Variants in SUGCT observed in about 807,000 individuals in gnomAD.
SUGCT encodes the protein succinyl-CoA:glutarate-CoA transferase, also known as succinyl-CoA:glutarate CoA-transferase.
A neutral mutation model predicts 55.0 loss-of-function variants in SUGCT; 41 were observed. The ratio of observed to expected loss-of-function variants is 0.74; its 90% CI spans 0.58 to 0.97. SUGCT has a LOEUF of 0.97. SUGCT is among the 50% of genes least tolerant of loss of function. The probability of loss-of-function intolerance (pLI) is 0.00; values close to 1 mark genes in which losing one functional copy is unlikely to be tolerated. For missense variants in SUGCT, 568 were observed against 547.8 expected (o/e 1.04, Z -0.37); for synonymous variants, 187 against 200.4 (o/e 0.93, Z 0.56).
intron 9 of SUGCT, among the ~76,000 whole-genome samples, chr7:40,357,458 A>G (rs1797931039): frequency 6.6e-6 from 1 of 152,196 alleles, no homozygotes; most frequent in Non-Finnish European, 1.5e-5. Context: ...CATGCGTGAC[A>G]CTGTCGATTT....
intron 7 of SUGCT, among the ~76,000 whole-genome samples, chr7:40,258,750 T>C (rs1243254670): frequency 2.0e-5 from 3 of 152,204 alleles, no homozygotes; most frequent in Non-Finnish European, 4.4e-5. Context: ...TAAATTAATG[T>C]GGCCATTATG....
At chr7:40,845,756 G>A (rs1470276327) in intron 13 of SUGCT, among the ~76,000 whole-genome samples, 7 of 152,160 alleles carry the variant, frequency 4.6e-5, no homozygotes, top group African/African-American at 1.7e-4. Context: ...TTAGCAGCAG[G>A]TTTGGGGGGC....
At chr7:40,711,984 A>G (rs1384638679) in intron 12 of SUGCT, among the ~76,000 whole-genome samples, 2 of 152,142 alleles carry the variant, frequency 1.3e-5, no homozygotes, top group African/African-American at 4.8e-5. Context: ...AGTTCTTCCC[A>G]TGGCTCTGGA....
At chr7:40,168,383 G>A (rs1456370227) in intron 1 of SUGCT, among the ~76,000 whole-genome samples, 1 of 152,202 alleles carries the variant, frequency 6.6e-6, no homozygotes, top group South Asian at 2.1e-4. Context: ...GTGCTAGCAG[G>A]CTGGTCCAGG....
chr7:40,171,740 G>T (rs1005172073), intron 1 of SUGCT, among the ~76,000 whole-genome samples: 7 of 152,180 alleles, frequency 4.6e-5, no homozygotes, highest in African/African-American at 1.4e-4. Context: ...TGGGCCATCC[G>T]CAGGTTAGTG....
At chr7:40,895,533 G>A in the SUGCT span, among the ~76,000 whole-genome samples, 2 of 152,116 alleles carry the variant, frequency 1.3e-5, no homozygotes, top group East Asian at 1.9e-4. Flanking sequence ...TGCAAGGATA[G>A]TTCAACATAT....
At chr7:40,751,866 C>G (rs1320748214) in intron 13 of SUGCT, among the ~76,000 whole-genome samples, 1 of 152,210 alleles carries the variant, frequency 6.6e-6, no homozygotes, top group Non-Finnish European at 1.5e-5. Context: ...AGAATGAACT[C>G]ATTGGAGGTA....
intron 9 of SUGCT, among the ~76,000 whole-genome samples, chr7:40,317,824 A>T (rs1176410427): frequency 1.3e-5 from 2 of 152,178 alleles, no homozygotes; most frequent in African/African-American, 4.8e-5. Context: ...ACCCAATATG[A>T]ACCTGGGATT....
intron 9 of SUGCT, among the ~76,000 whole-genome samples, chr7:40,350,825 C>T (rs1444277804): frequency 1.3e-5 from 2 of 148,758 alleles, no homozygotes; most frequent in Non-Finnish European, 3.0e-5. Flanking sequence ...ATGTGATGTT[C>T]CCCTCCCTGT....
chr7:40,558,155 C>T (rs1407266705), intron 12 of SUGCT, among the ~76,000 whole-genome samples: 3 of 151,002 alleles, frequency 2.0e-5, no homozygotes, highest in African/African-American at 7.3e-5. Context: ...GAAATTGGAA[C>T]TCTTGTGCAG....
At chr7:40,401,096 G>A (rs1174684616) in intron 9 of SUGCT, among the ~76,000 whole-genome samples, 2 of 152,104 alleles carry the variant, frequency 1.3e-5, no homozygotes, top group Non-Finnish European at 2.9e-5. Flanking sequence ...TTGAGATTAA[G>A]GAAGGATAAC....
intron 7 of SUGCT, among the ~76,000 whole-genome samples, chr7:40,250,504 A>G (rs1790295911): frequency 1.3e-5 from 2 of 151,962 alleles, no homozygotes; most frequent in Admixed American, 1.3e-4. Context: ...TCCTCATCTC[A>G]TCAGTCAGAA....
chr7:40,724,811 C>T (rs1786531483), intron 12 of SUGCT, among the ~76,000 whole-genome samples: 1 of 151,746 alleles, frequency 6.6e-6, no homozygotes, highest in Non-Finnish European at 1.5e-5. Flanking sequence ...ACTCTATATC[C>T]TTTATTTTTT....
At chr7:40,223,460 T>G (rs1407903050) in intron 6 of SUGCT, among the ~76,000 whole-genome samples, 2 of 152,240 alleles carry the variant, frequency 1.3e-5, no homozygotes, top group African/African-American at 4.8e-5. Context: ...ATCTGAGAAC[T>G]AGATGTGCTT....
intron 9 of SUGCT, among the ~76,000 whole-genome samples, chr7:40,439,297 C>T (rs542063152): frequency 4.6e-5 from 7 of 151,566 alleles, no homozygotes; most frequent in African/African-American, 9.7e-5. Context: ...CTACTCCCAT[C>T]GTGACTACTC....
chr7:40,178,811 C>G (rs1785045622), intron 1 of SUGCT, among the ~76,000 whole-genome samples: 1 of 152,058 alleles, frequency 6.6e-6, no homozygotes, highest in Non-Finnish European at 1.5e-5. Flanking sequence ...GCAATTTTTT[C>G]TGAATTATTT....
intron 12 of SUGCT, among the ~76,000 whole-genome samples, chr7:40,726,455 T>G (rs1457979100): frequency 6.6e-6 from 1 of 152,074 alleles, no homozygotes; most frequent in Non-Finnish European, 1.5e-5. Flanking sequence ...AAGGGGTTGG[T>G]CTTGCTGTCT....
intron 9 of SUGCT, among the ~76,000 whole-genome samples, chr7:40,337,048 GT>G (rs1261209946): frequency 6.6e-6 from 1 of 152,178 alleles, no homozygotes; most frequent in Admixed American, 6.5e-5. Flanking sequence ...TTTCCATGTA[GT>G]TGAGCGATTT....
At chr7:40,530,769 TA>T (rs1214895081) in intron 12 of SUGCT, among the ~76,000 whole-genome samples, 4 of 152,370 alleles carry the variant, frequency 2.6e-5, no homozygotes, top group Admixed American at 2.6e-4. Flanking sequence ...TCAGCTAATC[TA>T]AACTAAATCC....
Sources: allele counts gnomAD v4.1 joint callset (sites outside exome capture counted in the v4.1 genomes callset), GRCh38; gene constraint gnomAD v4.1.1; transcripts MANE v1.5; gene names NCBI Gene and HGNC (gene_info 2026-07-23, HGNC 2026-07-21).